The following RAB36 variants were observed in gnomAD, a reference collection of about 807,000 sequenced individuals.
The protein encoded by RAB36 is ras-related protein Rab-36.
Under a neutral mutation model 39.3 loss-of-function variants are expected in RAB36, and 33 were observed. The observed-to-expected ratio is 0.84, with a 90% CI of 0.64 to 1.12. RAB36 has a LOEUF of 1.12. Among genes scored for constraint, RAB36 ranks in the 50% most tolerant of loss-of-function variants. The probability of loss-of-function intolerance (pLI) is 0.00; values close to 1 mark genes in which losing one functional copy is unlikely to be tolerated. For missense variants in RAB36, 308 were observed against 355.3 expected, an observed-to-expected ratio of 0.87 and a Z score of 1.07; for synonymous variants, 133 against 140.2, an observed-to-expected ratio of 0.95 and a Z score of 0.36.
chr22:23,166,136 A>G (rs1277135798), downstream of RAB36, among the ~76,000 whole-genome samples: 1 of 110,640 alleles, frequency 9.0e-6, no homozygotes, highest in East Asian at 3.1e-4. Context: ...ACGGAGTGAG[A>G]CTCTGTCTTT....
At chr22:23,148,391 GAAGA>G (rs1374768945) in intron 2 of RAB36, among the ~76,000 whole-genome samples, 2 of 152,216 alleles carry the variant, frequency 1.3e-5, no homozygotes, top group Non-Finnish European at 2.9e-5. Context: ...ATCATGAGAT[GAAGA>G]ACCTCATTGG....
intron 7 of RAB36, among the ~76,000 whole-genome samples, chr22:23,158,295 G>A (rs2071575087): frequency 6.6e-6 from 1 of 152,206 alleles, no homozygotes; most frequent in Non-Finnish European, 1.5e-5. Context: ...TGCTCAGAGG[G>A]GCCCCAACCT....
At chr22:23,161,422 G>A (rs2071789714) in intron 10 of RAB36, 78 bp from the exon 11 acceptor site, 5 of 1,290,520 alleles carry the variant, frequency 3.9e-6, no homozygotes, top group South Asian at 1.3e-5. Flanking sequence ...AGCTCTGACT[G>A]TCAGGGCCGG....
At chr22:23,158,187 CTACT>C (rs2071568903) in intron 7 of RAB36, 144 bp downstream of exon 7, 1 of 1,492,146 alleles carries the variant, frequency 6.7e-7, no homozygotes, top group African/African-American at 1.4e-5. Flanking sequence ...TGCCCACGGA[CTACT>C]TACTGTCCAA....
chr22:23,155,877 C>G, intron 5 of RAB36, 91 bp from the exon 6 acceptor site: 1 of 1,228,574 alleles, frequency 8.1e-7, no homozygotes, highest in Non-Finnish European at 1.1e-6. Flanking sequence ...CCCTTAGGGT[C>G]TCCCACCCAT....
chr22:23,161,516 G>A lies in RAB36; in HGVS notation c.756G>A (p.Pro252=), dbSNP rs749487046. The change falls in exon 11 of 11, where the codon CCG becomes CCA. Residue 252 remains proline (P), a synonymous_variant. Transcript: ENST00000263116. The stretch of plus-strand genomic sequence containing the variant: ...TCCTTACAGAAATGGAAGGGAGTCC[G>A]CCCGAGACCCAGGAGAGCAAGAGGC... The part of the protein sequence containing the change: ...NGDLIQMEGS[P]PETQESKRPS... 18 of 1,612,524 alleles carry A rather than the reference G, an allele frequency of 1.1e-5. No individual in the cohort carries two copies. Among genetic ancestry groups the A allele is most frequent in the Middle Eastern group, 1.6e-4 (1 of 6,078 alleles).
rs749896193 is a variant in RAB36, at chr22:23,153,031, A to G, written c.228-2A>G. On this transcript the variant is annotated splice_acceptor_variant, in intron 4 of 10. Coordinates refer to ENST00000263116, the MANE Select transcript of RAB36 (RefSeq NM_004914.5). LOFTEE classifies it high-confidence loss of function. ...CTGTGACGACTTCCTCATCCCCCACAGGTTTTGCAAGAATGTTTTTGATCG... is the reference window on the plus strand; with the variant it reads ...CTGTGACGACTTCCTCATCCCCCACGGGTTTTGCAAGAATGTTTTTGATCG... 1.9e-6 allele frequency: 3 copies of G among 1,612,034 alleles called. No homozygotes were observed. Among genetic ancestry groups the G allele is most frequent in the Admixed American group, 1.7e-5 (1 of 59,970 alleles).
downstream of RAB36, among the ~76,000 whole-genome samples, chr22:23,167,420 G>A (rs1428877640): frequency 6.6e-6 from 1 of 152,134 alleles, no homozygotes; most frequent in Non-Finnish European, 1.5e-5. Flanking sequence ...GTTGCTCTCA[G>A]CATCTTTCAA....
chr22:23,151,110 C>T (rs1386210026), intron 3 of RAB36, among the ~76,000 whole-genome samples: 1 of 152,220 alleles, frequency 6.6e-6, no homozygotes, highest in Non-Finnish European at 1.5e-5. Context: ...CACAGAGGTG[C>T]GATGAGGCTG....
Position 23,161,503 on chromosome 22 carries a change from T to C in RAB36, c.743T>C (p.Met248Thr). 1 of 1,610,118 alleles carries C rather than the reference T, an allele frequency of 6.2e-7. No individual in the cohort carries two copies. Among genetic ancestry groups the C allele is most frequent in the East Asian group, 2.2e-5 (1 of 44,858 alleles). The change falls in exon 11 of 11, where the codon ATG (methionine) becomes ACG (threonine). Residue 248 changes from methionine (M) to threonine (T), a missense_variant. Coordinates refer to ENST00000263116, the MANE Select transcript of RAB36 (RefSeq NM_004914.5). ...ATTACTTCTCCCCTCCTTACAGAAA[T>C]GGAAGGGAGTCCGCCCGAGACCCAG... ...LQVGNGDLIQMEGSPPETQES... is the reference protein window; with the variant it reads ...LQVGNGDLIQTEGSPPETQES...
At chr22:23,146,453 C>T in intron 1 of RAB36, 152 bp from the exon 2 acceptor site, 1 of 1,312,466 alleles carries the variant, frequency 7.6e-7, no homozygotes, top group Admixed American at 3.3e-5. Flanking sequence ...CCCAAGTGAT[C>T]CTCCCACCTT....
rs77137057 is a variant in RAB36 at position 23,152,005 on chromosome 22, C to G, written c.162-456C>G. Among the ~76,000 whole-genome samples the G allele has an allele frequency of 3.8e-3, 582 of 152,316 alleles. 5 individuals carry two copies. Among genetic ancestry groups the G allele is most frequent in the African/African-American group, 0.013 (540 of 41,568 alleles). On this transcript the variant is annotated intron_variant, in intron 3 of 10. Transcript: ENST00000263116. ...GCCGGAGCCCACATCGGCGCACAGC[C>G]CCGGGGGTGCATAGGAGGGTGAGGG...
intron 5 of RAB36, chr22:23,153,433 C>A: frequency 2.7e-6 from 1 of 369,834 alleles, no homozygotes; most frequent in Non-Finnish European, 3.7e-6. Flanking sequence ...GCTCCAGTCC[C>A]TCCCTGACCT....
chr22:23,165,255 G>C lies in RAB36; in HGVS notation c.*3691G>C, dbSNP rs2146622980. On this transcript the variant is annotated 3_prime_UTR_variant, in exon 11 of 11. Coordinates refer to ENST00000263116, the MANE Select transcript of RAB36 (RefSeq NM_004914.5). ...AACAAGACCATGTTCCCAGCAGACAGATTGCACTCTGACCCAGATGCCACC... is the reference window on the plus strand; with the variant it reads ...AACAAGACCATGTTCCCAGCAGACACATTGCACTCTGACCCAGATGCCACC... Among the ~76,000 whole-genome samples the C allele has an allele frequency of 6.6e-6, 1 of 152,346 alleles. No homozygotes were observed. The highest frequency in any genetic ancestry group is 1.5e-5 in the Non-Finnish European group (1 of 68,036).
downstream of RAB36, among the ~76,000 whole-genome samples, chr22:23,168,217 C>T (rs2072081621): frequency 6.6e-6 from 1 of 152,176 alleles, no homozygotes. Flanking sequence ...TGGCATGGGG[C>T]ATAAGCCCTG....
At chr22:23,148,551 A>G (rs898231466) in intron 2 of RAB36, among the ~76,000 whole-genome samples, 2 of 152,152 alleles carry the variant, frequency 1.3e-5, no homozygotes. Context: ...TCCTGGTTTC[A>G]CAGGTGGCAT....
At chr22:23,168,499 CA>C (rs1569227948), downstream of RAB36, among the ~76,000 whole-genome samples, 5 of 106,148 alleles carry the variant, frequency 4.7e-5, no homozygotes, top group Non-Finnish European at 1.0e-4. Flanking sequence ...CTCCCCGCCA[CA>C]CACACACACA....
At chr22:23,159,534 A>G (rs1258039239) in intron 9 of RAB36, among the ~76,000 whole-genome samples, 1 of 152,218 alleles carries the variant, frequency 6.6e-6, no homozygotes, top group African/African-American at 2.4e-5. Context: ...TGTTCTCCAT[A>G]ACCGGAGAAC....
Position 23,150,947 on chromosome 22 carries a change from C to T in RAB36, c.161+793C>T, listed in dbSNP as rs6003524. Among the ~76,000 whole-genome samples, 776 of 152,336 alleles carry T rather than the reference C, an allele frequency of 5.1e-3. 7 individuals are homozygous for T. The highest frequency in any genetic ancestry group is 0.017 in the African/African-American group (718 of 41,576). ...CCAAGAGGGCGAGGGCTGTGTCTGT[C>T]CTCTTCCTGCCGCGGCAGCTCCTGC... On this transcript the variant is annotated intron_variant, in intron 3 of 10. Coordinates refer to ENST00000263116, the MANE Select transcript of RAB36 (RefSeq NM_004914.5).
Sources: gnomAD v4.1 joint callset for allele counts (sites outside exome capture counted in the v4.1 genomes callset) on GRCh38, gnomAD v4.1.1 for gene constraint, MANE v1.5 for transcripts, NCBI Gene and HGNC (gene_info 2026-07-23, HGNC 2026-07-21) for gene names.